Variants in TTF2 observed in about 807,000 individuals in gnomAD.
TTF2 encodes RNA polymerase II termination factor.
TTF2 carries 108 observed loss-of-function variants against 142.4 expected under a neutral mutation model. The observed-to-expected ratio is 0.76, with a 90% confidence interval of 0.65 to 0.89. The LOEUF is 0.89. Among genes scored for constraint, TTF2 ranks in the 40% least tolerant of loss-of-function variants. The pLI, the probability that TTF2 is intolerant of heterozygous loss-of-function variation, is 0.00. For synonymous variants in TTF2, 483 were observed against 506.2 expected (o/e 0.95, Z 0.61); for missense variants, 1,327 against 1,379.8 (o/e 0.96, Z 0.61).
chr1:117,080,429 AT>A lies in TTF2; in HGVS notation c.1783+781del, dbSNP rs750600968. On this transcript the variant is annotated intron_variant, in intron 9 of 22. Coordinates refer to ENST00000369466, the MANE Select transcript of TTF2 (RefSeq NM_003594.4). The surrounding 1 kb of genome is among the most constrained non-coding windows in gnomAD (Gnocchi z 4.3). ...CACTGTTTCCTGCAGAAAGGATTTC[AT>A]AGGGAGTCTCTTTCTAAAGCTGCTT... 2.3e-4 allele frequency among the ~76,000 whole-genome samples: 35 copies of A among 152,188 alleles called. No homozygotes were observed. Among genetic ancestry groups the A allele is most frequent in the Non-Finnish European group, 4.7e-4 (32 of 68,032 alleles).
At chr1:117,091,517 G>C (rs1648575395) in intron 16 of TTF2, 107 bp downstream of exon 16, 1 of 1,211,894 alleles carries the variant, frequency 8.3e-7, no homozygotes, top group Non-Finnish European at 1.1e-6. Context: ...CAGAGATTTG[G>C]CGTTAACTAA....
At position 117,062,443 on chromosome 1, in the gene TTF2, T is replaced by C; in HGVS notation, c.188T>C (p.Leu63Ser). ...HEDFVVELQGLLLPQDKKEYR... is the reference protein window; with the variant it reads ...HEDFVVELQGSLLPQDKKEYR... ...GACTTTGTGGTAGAGCTTCAGGGTTTGCTTCTGCCACAGGACAAGAAAGAA... is the reference window on the plus strand; with the variant it reads ...GACTTTGTGGTAGAGCTTCAGGGTTCGCTTCTGCCACAGGACAAGAAAGAA... Residue 63 changes from leucine to serine, a missense_variant, in exon 3 of 23, where the codon TTG becomes TCG. Leu to Ser is a moderately radical substitution (Grantham distance 145). Coordinates refer to ENST00000369466, the MANE Select transcript of TTF2 (RefSeq NM_003594.4). 1 of 1,613,966 alleles carries C rather than the reference T, an allele frequency of 6.2e-7. No individual in the cohort carries two copies. Among genetic ancestry groups the C allele is most frequent in the Non-Finnish European group, 8.5e-7 (1 of 1,179,918 alleles).
chr1:117,081,728 G>A, intron 9 of TTF2, 100 bp from the exon 10 acceptor site: 1 of 1,446,084 alleles, frequency 6.9e-7, no homozygotes, highest in Non-Finnish European at 9.3e-7. Flanking sequence ...CACTGACAGA[G>A]AACAATGGGG....
At position 117,060,360 on chromosome 1, in the gene TTF2, G is replaced by A. The variant is rs140819008; in HGVS notation, c.14G>A (p.Arg5Lys). The A allele has an allele frequency of 9.7e-5, 156 of 1,601,638 alleles. No homozygotes were observed. The highest frequency in any genetic ancestry group is 1.3e-4 in the Non-Finnish European group (149 of 1,174,086). MEEV[R>K]CPEHGTFCFL... ...GGACCCAGCGAAATGGAAGAAGTTAGGTGTCCAGAGCACGGTAAGGGGCTA... is the reference window on the plus strand; with the variant it reads ...GGACCCAGCGAAATGGAAGAAGTTAAGTGTCCAGAGCACGGTAAGGGGCTA... The change falls in exon 1 of 23, where the codon AGG (arginine) becomes AAG (lysine). Residue 5 changes from arginine to lysine, a missense_variant. Coordinates refer to ENST00000369466, the MANE Select transcript of TTF2 (RefSeq NM_003594.4).
In TTF2 at chr1:117,085,978, T is replaced by C. The variant is rs1325476059; in HGVS notation, c.2055-439T>C. ...CAAGGTGAACAGTGTTTTGAAGTTA[T>C]CTTTCTCCCCTGGGACTTTGGTGTC... On this transcript the variant is annotated intron_variant, in intron 11 of 22. Transcript: ENST00000369466. This position sits in a 1 kb window ranked among gnomAD's most constrained non-coding sequence, Gnocchi z 4.7. Among the ~76,000 whole-genome samples the C allele has an allele frequency of 6.6e-6, 1 of 152,250 alleles. No individual in the cohort carries two copies. Among genetic ancestry groups the C allele is most frequent in the African/African-American group, 2.4e-5 (1 of 41,476 alleles).
chr1:117,089,260 C>CTATCTATATATATATATA (rs1648343599), intron 13 of TTF2, among the ~76,000 whole-genome samples: 1 of 137,468 alleles, frequency 7.3e-6, no homozygotes, highest in African/African-American at 2.7e-5. Context: ...CAAATATATG[C>CTATCTATATATATATATA]TATATATATA....
At chr1:117,060,771 C>T (rs1655609072) in intron 2 of TTF2, among the ~76,000 whole-genome samples, 1 of 152,150 alleles carries the variant, frequency 6.6e-6, no homozygotes, top group African/African-American at 2.4e-5. Flanking sequence ...GGCTGGTTAC[C>T]CCCCTCTCTG....
Position 117,075,940 on chromosome 1 carries a change from G to T in TTF2, c.1275+81G>T, listed in dbSNP as rs1656973670. On this transcript the variant is annotated intron_variant, in intron 5 of 22. Coordinates refer to ENST00000369466, the MANE Select transcript of TTF2 (RefSeq NM_003594.4). The surrounding 1 kb of genome is among the most constrained non-coding windows in gnomAD (Gnocchi z 4.5). ...GATATGAGATCTCATTGCTACAGAA[G>T]GGTTAAATATGTTCATGTGAAGGTT... The T allele has an allele frequency of 6.6e-7, 1 of 1,505,858 alleles. No homozygotes were observed. Among genetic ancestry groups the T allele is most frequent in the Non-Finnish European group, 8.8e-7 (1 of 1,132,930 alleles). 93.3% of individuals were successfully genotyped at this position (1,505,858 alleles called of 1,614,324 possible).
intron 3 of TTF2, among the ~76,000 whole-genome samples, chr1:117,068,602 T>C (rs1187458189): frequency 6.6e-6 from 1 of 151,902 alleles, no homozygotes; most frequent in African/African-American, 2.4e-5. Flanking sequence ...TTGTGGTAGA[T>C]GTTCAAAATA....
intron 18 of TTF2, chr1:117,094,507 G>A: frequency 2.2e-6 from 1 of 446,820 alleles, no homozygotes; most frequent in East Asian, 7.0e-5. Flanking sequence ...TGCACCCTAA[G>A]GGTTCTTGGG....
chr1:117,082,298 A>C (rs1647593100), intron 10 of TTF2, among the ~76,000 whole-genome samples: 1 of 152,064 alleles, frequency 6.6e-6, no homozygotes, highest in Non-Finnish European at 1.5e-5. Flanking sequence ...CTGCAGCCTA[A>C]ACCTCCTTGG....
chr1:117,098,372 T>C (rs934592246), intron 21 of TTF2: 10 of 152,496 alleles, frequency 6.6e-5, no homozygotes, highest in African/African-American at 2.4e-4. Flanking sequence ...GGCCCTTCAA[T>C]TTCCAAGTAG....
Position 117,063,906 on chromosome 1 carries a change from A to G in TTF2, c.218+1433A>G, listed in dbSNP as rs977401129. 1.3e-5 allele frequency among the ~76,000 whole-genome samples: 2 copies of G among 152,166 alleles called. No individual in the cohort carries two copies. Among genetic ancestry groups the G allele is most frequent in the South Asian group, 4.1e-4 (2 of 4,830 alleles). On this transcript the variant is annotated intron_variant, in intron 3 of 22. Transcript: ENST00000369466. This position sits in a 1 kb window ranked among gnomAD's most constrained non-coding sequence, Gnocchi z 4.1. ...TATGTGTGTGTGTATATTCTATACA[A>G]TTTTATCCTGTCGAGTCATGTATCT...
chr1:117,096,193 T>C lies in TTF2; in HGVS notation c.3080T>C (p.Leu1027Ser), dbSNP rs1411104508. ...ACCAACATGCTGAAAGTTGTAGCAT[T>C]GCACCTGAAGAAGCATGGACTGACT... ...QWTNMLKVVA[L>S]HLKKHGLTYA... The change falls in exon 20 of 23, where the codon TTG becomes TCG. Residue 1027 changes from leucine to serine, a missense_variant. By Grantham distance (145) the Leu-to-Ser change is moderately radical (BLOSUM62 -2). Coordinates refer to ENST00000369466, the MANE Select transcript of TTF2 (RefSeq NM_003594.4). 1.2e-6 allele frequency: 2 copies of C among 1,614,158 alleles called. No homozygotes were observed. The highest frequency in any genetic ancestry group is 2.2e-5 in the South Asian group (2 of 91,078).
chr1:117,098,540 C>T (rs1364249382), intron 21 of TTF2: 1 of 254,360 alleles, frequency 3.9e-6, no homozygotes, highest in Non-Finnish European at 7.6e-6. Context: ...CCTAGTTTCT[C>T]ACTAGAAACT....
chr1:117,084,176 C>G lies in TTF2; in HGVS notation c.2054+8C>G. 1 of 1,614,096 alleles carries G rather than the reference C, an allele frequency of 6.2e-7. No individual in the cohort carries two copies. ...GGATTCACGTGCCAGAGTGTAAGTGCAGGAATACGCAGTTGTGGGGGCGTT... is the reference window on the plus strand; with the variant it reads ...GGATTCACGTGCCAGAGTGTAAGTGGAGGAATACGCAGTTGTGGGGGCGTT... On this transcript the variant is annotated splice_region_variant and intron_variant, in intron 11 of 22. Transcript: ENST00000369466.
chr1:117,075,262 T>C lies in TTF2; in HGVS notation c.678T>C (p.Gly226=). 2 of 1,614,164 alleles carry C rather than the reference T, an allele frequency of 1.2e-6. No homozygotes were observed. The highest frequency in any genetic ancestry group is 1.7e-6 in the Non-Finnish European group (2 of 1,180,038). The change falls in exon 5 of 23, where the codon GGT becomes GGC. Residue 226 remains glycine, a synonymous_variant. Coordinates refer to ENST00000369466, the MANE Select transcript of TTF2 (RefSeq NM_003594.4). This position sits in a 1 kb window ranked among gnomAD's most constrained non-coding sequence, Gnocchi z 4.5. ...FSEIKSQQCQ[G]NELTRPSASS... ...AAATTAAATCTCAACAGTGCCAAGGTAATGAGCTTACAAGACCATCTGCAT... is the reference window on the plus strand; with the variant it reads ...AAATTAAATCTCAACAGTGCCAAGGCAATGAGCTTACAAGACCATCTGCAT...
chr1:117,078,931 G>A (rs1233762314), intron 8 of TTF2, among the ~76,000 whole-genome samples: 1 of 152,062 alleles, frequency 6.6e-6, no homozygotes, highest in Non-Finnish European at 1.5e-5. Flanking sequence ...CTGAAAATAG[G>A]GTCAGAGGTC....
At position 117,086,579 on chromosome 1, in the gene TTF2, A is replaced by AG; in HGVS notation, c.2160+58dup. 1 of 1,264,592 alleles carries AG rather than the reference A, an allele frequency of 7.9e-7. No individual in the cohort carries two copies. Among genetic ancestry groups the AG allele is most frequent in the Non-Finnish European group, 1.1e-6 (1 of 872,120 alleles). The allele number at this position is 1,264,592 out of a possible 1,614,324, so 78.3% of individuals were successfully genotyped here. On this transcript the variant is annotated intron_variant, in intron 12 of 22. Coordinates refer to ENST00000369466, the MANE Select transcript of TTF2 (RefSeq NM_003594.4). This position sits in a 1 kb window ranked among gnomAD's most constrained non-coding sequence, Gnocchi z 4.2. The stretch of plus-strand genomic sequence containing the variant: ...TTGGAGCCACAGATGGTTTAATGGG[A>AG]GTCTTTCTCAGCCTCCACGATAGCA...
Sources: gnomAD v4.1 joint callset for allele counts (sites outside exome capture counted in the v4.1 genomes callset) on GRCh38, gnomAD v4.1.1 for gene constraint, Gnocchi (gnomAD v3.1) non-coding constraint, MANE v1.5 for transcripts, NCBI Gene and HGNC (gene_info 2026-07-23, HGNC 2026-07-21) for gene names.